Variants in DOCK7 observed in about 807,000 individuals in gnomAD.
DOCK7 encodes dedicator of cytokinesis protein 7.
In DOCK7, 138 loss-of-function variants were observed where a neutral mutation model predicts 271.0. That is an observed-to-expected ratio of 0.51 (90% CI 0.44 to 0.59). The LOEUF is 0.59. Ranked by LOEUF, DOCK7 falls within the 20% of genes least tolerant of loss-of-function variation. DOCK7 has a pLI of 0.00. For missense variants in DOCK7, 2,066 were observed against 2,592.4 expected (o/e 0.80, Z 4.41); for synonymous variants, 823 against 876.1 (o/e 0.94, Z 1.07).
At chr1:62,620,074 C>A (rs994452951) in intron 12 of DOCK7, 81 bp from the exon 13 acceptor site, 5 of 1,107,830 alleles carry the variant, frequency 4.5e-6, no homozygotes, top group Non-Finnish European at 5.3e-6. Flanking sequence ...AATCCTAGCA[C>A]TTTGGGAGGC....
intron 37 of DOCK7, among the ~76,000 whole-genome samples, chr1:62,502,541 A>C (rs1362710344): frequency 6.6e-6 from 1 of 152,116 alleles, no homozygotes; most frequent in Non-Finnish European, 1.5e-5. Context: ...ATAAGCTAAG[A>C]TTTTTCTCAT....
At chr1:62,589,037 C>T (rs922301400) in intron 14 of DOCK7, among the ~76,000 whole-genome samples, 2 of 152,226 alleles carry the variant, frequency 1.3e-5, no homozygotes, top group Admixed American at 1.3e-4. Context: ...CCACAGTCCC[C>T]AGCCCACCTA....
intron 34 of DOCK7, among the ~76,000 whole-genome samples, chr1:62,508,705 T>C (rs190930166): frequency 1.3e-5 from 2 of 152,292 alleles, no homozygotes; most frequent in Non-Finnish European, 2.9e-5. Context: ...TGTAAATATA[T>C]ACAATTTTGT....
At chr1:62,662,771 G>GA (rs1287803586) in intron 2 of DOCK7, among the ~76,000 whole-genome samples, 1 of 151,478 alleles carries the variant, frequency 6.6e-6, no homozygotes, top group African/African-American at 2.4e-5. Flanking sequence ...AAAAAAAGAA[G>GA]AAAAAAAAGT....
intron 16 of DOCK7, among the ~76,000 whole-genome samples, chr1:62,581,705 T>A (rs994055600): frequency 1.5e-4 from 23 of 152,122 alleles, no homozygotes; most frequent in African/African-American, 5.3e-4. Flanking sequence ...AACGTTAGTG[T>A]TTTGTGTGGA....
chr1:62,520,102 G>A (rs576567412), intron 31 of DOCK7, among the ~76,000 whole-genome samples: 2 of 152,020 alleles, frequency 1.3e-5, no homozygotes, highest in Non-Finnish European at 2.9e-5. Flanking sequence ...AAATTAACTC[G>A]AGATGGATTG....
chr1:62,487,611 C>T (rs1458981617), intron 42 of DOCK7, 199 bp from the exon 43 acceptor site: 1 of 467,134 alleles, frequency 2.1e-6, no homozygotes, highest in Non-Finnish European at 3.9e-6. Context: ...AAAATTTTGC[C>T]TTTTAAAAAC....
Position 62,475,859 on chromosome 1 carries a change from T to C in DOCK7, c.5809A>G (p.Asn1937Asp). ...DRITYFDKNY[N>D]LRRFMYCTPF... ...GTACAGTACATGAATCGACGAAGAT[T>C]GTAATTTTTGTCGAAATAGGTGATT... Residue 1937 changes from asparagine to aspartate, a missense_variant, in exon 46 of 50, where the codon AAT becomes GAT. Physicochemically the swap from Asn to Asp is conservative, Grantham distance 23. Around this residue, in one of 2 missense-constraint regions of DOCK7, gnomAD observed 652 missense variants for 922.1 expected, o/e 0.71. Transcript: ENST00000635253. 1 of 1,614,086 alleles carries C rather than the reference T, an allele frequency of 6.2e-7. No homozygotes were observed. Among genetic ancestry groups the C allele is most frequent in the Non-Finnish European group, 8.5e-7 (1 of 1,179,954 alleles).
rs773424383 is a variant in DOCK7, at chr1:62,601,115, A to T, written c.1683-14491T>A. On this transcript the variant is annotated intron_variant, in intron 14 of 49. Coordinates refer to ENST00000635253, the MANE Select transcript of DOCK7 (RefSeq NM_001367561.1). ...GACTAGTATTCAAGAACCCACAGAA[A>T]TTTCTCTATCTTCCAAGCCAAGAGC... 1.1e-5 allele frequency: 17 copies of T among 1,609,762 alleles called. No homozygotes were observed. In the South Asian group the frequency reaches 1.8e-4, roughly 17 times the overall value.
chr1:62,686,904 G>A lies in DOCK7; in HGVS notation c.38+1323C>T, dbSNP rs752850890. Among the ~76,000 whole-genome samples, 103 of 150,250 alleles carry A rather than the reference G, an allele frequency of 6.9e-4. 1 individual carries two copies. Among genetic ancestry groups the A allele is most frequent in the Non-Finnish European group, 1.3e-3 (86 of 67,708 alleles). ...AAAGAAAAAAAAAAGCCTCTGCCTCGAAAGCAGCTAGGACGACAGGTGCAA... is the reference window on the plus strand; with the variant it reads ...AAAGAAAAAAAAAAGCCTCTGCCTCAAAAGCAGCTAGGACGACAGGTGCAA... On this transcript the variant is annotated intron_variant, in intron 1 of 49. Coordinates refer to ENST00000635253, the MANE Select transcript of DOCK7 (RefSeq NM_001367561.1).
intron 49 of DOCK7, among the ~76,000 whole-genome samples, chr1:62,456,654 A>ACAAAAGGATG (rs1645357008): frequency 6.6e-6 from 1 of 152,120 alleles, no homozygotes; most frequent in South Asian, 2.1e-4. Flanking sequence ...GTAAGGCAAA[A>ACAAAAGGATG]TTTTGGTCAG....
At chr1:62,597,758 G>T (rs753899075) in intron 14 of DOCK7, 3 of 1,613,504 alleles carry the variant, frequency 1.9e-6, no homozygotes, top group Non-Finnish European at 2.5e-6. Flanking sequence ...TCCATAAGAC[G>T]AAGGGCCAAA....
At chr1:62,599,329 C>A (rs999062573) in intron 14 of DOCK7, among the ~76,000 whole-genome samples, 1 of 151,970 alleles carries the variant, frequency 6.6e-6, no homozygotes, top group African/African-American at 2.4e-5. Context: ...TTGTTGTTTC[C>A]TCTAACTGGA....
chr1:62,652,434 T>C (rs1168095), intron 4 of DOCK7, among the ~76,000 whole-genome samples: 148,979 of 152,142 alleles, frequency 0.98, 73,026 homozygotes, highest in Middle Eastern at 1. Context: ...GATGCCCCTA[T>C]ATTCCAATCC....
Position 62,487,722 on chromosome 1 carries a change from G to A in DOCK7, c.5494-310C>T, listed in dbSNP as rs1355436138. 3.6e-5 allele frequency: 9 copies of A among 248,522 alleles called. No individual in the cohort carries two copies. The South Asian group carries it at 8.2e-4, about 23-fold the overall frequency. The allele number at this position is 248,522 out of a possible 1,614,324, so 15.4% of individuals were successfully genotyped here. On this transcript the variant is annotated intron_variant, in intron 42 of 49. Coordinates refer to ENST00000635253, the MANE Select transcript of DOCK7 (RefSeq NM_001367561.1). ...ACTAAGGTGAGCTGCACTTCACCAAGTATCCAGGATAAATTAAAATACAAA... is the reference window on the plus strand; with the variant it reads ...ACTAAGGTGAGCTGCACTTCACCAAATATCCAGGATAAATTAAAATACAAA...
intron 18 of DOCK7, among the ~76,000 whole-genome samples, chr1:62,565,005 G>C (rs978312325): frequency 4.6e-5 from 7 of 152,148 alleles, no homozygotes; most frequent in Non-Finnish European, 7.3e-5. Context: ...CCAGGAAGAA[G>C]TCGAATCCCT....
At position 62,545,047 on chromosome 1, in the gene DOCK7, T is replaced by C. The variant is rs1291269495; in HGVS notation, c.2767-8A>G. On this transcript the variant is annotated splice_polypyrimidine_tract_variant and splice_region_variant and intron_variant, in intron 22 of 49. Transcript: ENST00000635253. ...ATTGGAGCGATCTAAACCCTAAGCATATAATAGAAAGCAGTTTGAAAGGAA... is the reference window on the plus strand; with the variant it reads ...ATTGGAGCGATCTAAACCCTAAGCACATAATAGAAAGCAGTTTGAAAGGAA... 1 of 1,544,126 alleles carries C rather than the reference T, an allele frequency of 6.5e-7. No homozygotes were observed. The highest frequency in any genetic ancestry group is 8.7e-7 in the Non-Finnish European group (1 of 1,143,732).
intron 21 of DOCK7, 49 bp downstream of exon 21, chr1:62,555,776 G>T: frequency 1.9e-6 from 3 of 1,568,630 alleles, no homozygotes; most frequent in South Asian, 2.3e-5. Flanking sequence ...ATACTGACAT[G>T]AACATATAAT....
chr1:62,605,625 G>C (rs114421822), intron 14 of DOCK7: 6 of 152,268 alleles, frequency 3.9e-5, no homozygotes, highest in Non-Finnish European at 7.4e-5. Context: ...TTGTGGCATC[G>C]AGTTAAAGTT....
Sources: allele counts gnomAD v4.1 joint callset (sites outside exome capture counted in the v4.1 genomes callset), GRCh38; gene constraint gnomAD v4.1.1; regional missense constraint gnomAD v4.1.1; transcripts MANE v1.5; gene names NCBI Gene and HGNC (gene_info 2026-07-23, HGNC 2026-07-21).